DLG2: variants seen among roughly 807,000 people sequenced by gnomAD.
The protein encoded by DLG2 is disks large homolog 2.
DLG2 carries 45 observed loss-of-function variants against 132.5 expected under a neutral mutation model. That is an observed-to-expected ratio of 0.34 (90% confidence interval 0.27 to 0.44). The LOEUF (loss-of-function observed/expected upper bound fraction) is 0.44. Among genes scored for constraint, DLG2 ranks in the 20% least tolerant of loss-of-function variants. DLG2 has a pLI of 1.00. For synonymous variants in DLG2, 424 were observed against 419.6 expected, an observed-to-expected ratio of 1.01 and a Z score of -0.13; for missense variants, 1,045 against 1,196.9, an observed-to-expected ratio of 0.87 and a Z score of 1.87.
chr11:83,489,905 G>A (rs946215551), intron 21 of DLG2, among the ~76,000 whole-genome samples: 4 of 151,960 alleles, frequency 2.6e-5, no homozygotes, highest in Middle Eastern at 6.8e-3. Context: ...AACGTGGTAC[G>A]GAGGAAGGAG....
intron 6 of DLG2, among the ~76,000 whole-genome samples, chr11:84,968,892 T>C (rs756250243): frequency 5.3e-5 from 8 of 152,130 alleles, no homozygotes; most frequent in Non-Finnish European, 7.4e-5. Flanking sequence ...TTAAATGCAA[T>C]TTAACATTTT....
chr11:83,984,673 A>G (rs1307674851), intron 11 of DLG2, among the ~76,000 whole-genome samples: 1 of 152,116 alleles, frequency 6.6e-6, no homozygotes, highest in Non-Finnish European at 1.5e-5. Flanking sequence ...AAGTAAATGT[A>G]AAGAATTTTT....
intron 9 of DLG2, among the ~76,000 whole-genome samples, chr11:84,131,186 G>C (rs1450585542): frequency 6.6e-6 from 1 of 151,954 alleles, no homozygotes; most frequent in African/African-American, 2.4e-5. Context: ...GAAGGAGGCA[G>C]CTTAGGAAAC....
intron 6 of DLG2, chr11:84,923,086 A>T (rs1208400364): frequency 6.2e-7 from 1 of 1,614,042 alleles, no homozygotes; most frequent in South Asian, 1.1e-5. Flanking sequence ...CCTTCACGTT[A>T]GTCCGGAGTG....
chr11:85,571,104 C>T (rs2077819093), intron 3 of DLG2, among the ~76,000 whole-genome samples: 1 of 152,048 alleles, frequency 6.6e-6, no homozygotes, highest in African/African-American at 2.4e-5. Flanking sequence ...AATCTCTAGG[C>T]TACCTAAGGA....
chr11:85,376,326 C>A (rs535464691), intron 3 of DLG2, among the ~76,000 whole-genome samples: 1 of 152,084 alleles, frequency 6.6e-6, no homozygotes, highest in African/African-American at 2.4e-5. Flanking sequence ...TGATTAAAAT[C>A]AAACATTATA....
chr11:85,027,173 C>CTTTTTT (rs10571202), intron 6 of DLG2, among the ~76,000 whole-genome samples: 4 of 69,368 alleles, frequency 5.8e-5, no homozygotes, highest in Non-Finnish European at 7.7e-5. Flanking sequence ...AGTGTGGTCT[C>CTTTTTT]TTTTTTTTTT....
intron 22 of DLG2, among the ~76,000 whole-genome samples, chr11:83,474,869 C>T (rs946623751): frequency 2.6e-5 from 4 of 152,144 alleles, no homozygotes; most frequent in Non-Finnish European, 2.9e-5. Context: ...TCTGATGGAA[C>T]GTTCTAAAGG....
intron 7 of DLG2, among the ~76,000 whole-genome samples, chr11:84,308,602 G>T (rs929289217): frequency 6.6e-6 from 1 of 152,210 alleles, no homozygotes; most frequent in Non-Finnish European, 1.5e-5. Flanking sequence ...GGAGCAGGGG[G>T]CGGCGCTGGT....
At chr11:83,852,599 T>C (rs760738402) in intron 16 of DLG2, among the ~76,000 whole-genome samples, 2 of 152,258 alleles carry the variant, frequency 1.3e-5, no homozygotes, top group African/African-American at 2.4e-5. Context: ...AACATCTTAC[T>C]AACCTTTAGC....
chr11:83,853,476 A>G (rs1281318757), intron 16 of DLG2, among the ~76,000 whole-genome samples: 4 of 152,186 alleles, frequency 2.6e-5, no homozygotes, highest in African/African-American at 9.6e-5. Flanking sequence ...ACCATAAAGC[A>G]GATGGTTTCT....
intron 6 of DLG2, among the ~76,000 whole-genome samples, chr11:84,556,677 C>A (rs1259352841): frequency 6.6e-6 from 1 of 152,136 alleles, no homozygotes; most frequent in Non-Finnish European, 1.5e-5. Context: ...CCTCTGTTCC[C>A]CAGATTACAC....
intron 7 of DLG2, among the ~76,000 whole-genome samples, chr11:84,451,060 A>G (rs2099050221): frequency 6.6e-6 from 1 of 151,822 alleles, no homozygotes; most frequent in Non-Finnish European, 1.5e-5. Flanking sequence ...AATCTGTAAA[A>G]TTTGACTGCT....
At chr11:84,725,064 A>G (rs1197474615) in intron 6 of DLG2, among the ~76,000 whole-genome samples, 1 of 152,174 alleles carries the variant, frequency 6.6e-6, no homozygotes, top group Non-Finnish European at 1.5e-5. Context: ...TAATTCTTTC[A>G]GGGGGAGGAA....
In DLG2 at chr11:84,310,866, G is replaced by A. The variant is rs778915163; in HGVS notation, c.520-59575C>T. On this transcript the variant is annotated intron_variant, in intron 7 of 27. Coordinates refer to ENST00000376104, the MANE Select transcript of DLG2 (RefSeq NM_001142699.3). ...CTAAAAAGTCCTCCGCACTCAAGTT[G>A]CTGCAAACTGCTGGTTCTGGAGTTG... 4.5e-4 allele frequency among the ~76,000 whole-genome samples: 68 copies of A among 152,284 alleles called. 1 individual carries two copies. The highest frequency in any genetic ancestry group is 1.5e-3 in the Admixed American group (23 of 15,300).
At chr11:83,760,688 GAAAAACAACAAC>G (rs917596997) in intron 18 of DLG2, among the ~76,000 whole-genome samples, 3 of 151,960 alleles carry the variant, frequency 2.0e-5, no homozygotes, top group Non-Finnish European at 4.4e-5. Context: ...AACAGAAACA[GAAAAACAACAAC>G]AAAAACAACA....
intron 21 of DLG2, among the ~76,000 whole-genome samples, chr11:83,509,874 A>C (rs905925751): frequency 1.3e-5 from 2 of 152,128 alleles, no homozygotes; most frequent in African/African-American, 4.8e-5. Flanking sequence ...CTCTTCATTC[A>C]TCAGTTATTT....
At chr11:85,321,281 G>A (rs2081050008) in intron 3 of DLG2, among the ~76,000 whole-genome samples, 1 of 151,932 alleles carries the variant, frequency 6.6e-6, no homozygotes, top group East Asian at 1.9e-4. Context: ...AAGACAATGG[G>A]AGAAGTTGAG....
intron 4 of DLG2, among the ~76,000 whole-genome samples, chr11:85,250,469 A>G (rs2152694091): frequency 6.6e-6 from 1 of 152,304 alleles, no homozygotes; most frequent in Admixed American, 6.5e-5. Flanking sequence ...AATCCTTTTA[A>G]AAGTTATTCA....
Sources: gnomAD v4.1 joint callset for allele counts (sites outside exome capture counted in the v4.1 genomes callset) on GRCh38, gnomAD v4.1.1 for gene constraint, MANE v1.5 for transcripts, NCBI Gene and HGNC (gene_info 2026-07-23, HGNC 2026-07-21) for gene names.